CDH9: variants seen among roughly 807,000 people sequenced by gnomAD.
CDH9 encodes cadherin 9.
Under a neutral mutation model 70.9 loss-of-function variants are expected in CDH9, and 28 were observed. That is an observed-to-expected ratio of 0.40 (90% CI 0.29 to 0.54). The LOEUF is 0.54. Ranked by LOEUF, CDH9 falls within the 20% of genes least tolerant of loss-of-function variation. The probability of loss-of-function intolerance (pLI) is 0.59; values close to 1 mark genes in which losing one functional copy is unlikely to be tolerated. For missense variants in CDH9, 874 were observed against 984.4 expected (o/e 0.89, Z 1.50); for synonymous variants, 409 against 343.1 (o/e 1.19, Z -2.12).
At chr5:26,985,193 T>C (rs1457181951) in intron 2 of CDH9, among the ~76,000 whole-genome samples, 2 of 152,126 alleles carry the variant, frequency 1.3e-5, no homozygotes, top group African/African-American at 2.4e-5. Flanking sequence ...TTTCTTTTAT[T>C]GTGCTATATA....
chr5:27,030,996 C>T (rs984096084), intron 1 of CDH9, among the ~76,000 whole-genome samples: 7 of 151,628 alleles, frequency 4.6e-5, no homozygotes, highest in African/African-American at 1.7e-4. Flanking sequence ...TTCTTTTCTG[C>T]AGGCTAACAT....
intron 1 of CDH9, among the ~76,000 whole-genome samples, chr5:26,991,463 C>T (rs552322274): frequency 5.9e-5 from 9 of 152,240 alleles, no homozygotes; most frequent in Admixed American, 4.6e-4. Flanking sequence ...ATATTATCTA[C>T]GTTCTAGAGC....
In CDH9 at chr5:26,954,470, C is replaced by T. The variant is rs528518523; in HGVS notation, c.228+33636G>A. On this transcript the variant is annotated intron_variant, in intron 2 of 11. Coordinates refer to ENST00000231021, the MANE Select transcript of CDH9 (RefSeq NM_016279.4). Reference sequence around the variant, plus strand: ...CGCCATCTCGGCTCACTGCAAGCTTCGCCTCCCGGGTTCACGCCATTCGCC... The same window carrying T: ...CGCCATCTCGGCTCACTGCAAGCTTTGCCTCCCGGGTTCACGCCATTCGCC... 2.9e-3 allele frequency among the ~76,000 whole-genome samples: 397 copies of T among 138,020 alleles called. 4 individuals are homozygous for T. Among genetic ancestry groups the T allele is most frequent in the African/African-American group, 1.0e-2 (373 of 37,464 alleles). 90.5% of individuals were successfully genotyped at this position (138,020 alleles called of 152,430 possible).
intron 1 of CDH9, among the ~76,000 whole-genome samples, chr5:27,034,920 G>A (rs1743366606): frequency 6.6e-6 from 1 of 151,398 alleles, no homozygotes; most frequent in Non-Finnish European, 1.5e-5. Context: ...AAGGATAATG[G>A]TGCTTCCAGG....
At chr5:26,945,237 A>G (rs1239502358) in intron 2 of CDH9, among the ~76,000 whole-genome samples, 1 of 151,010 alleles carries the variant, frequency 6.6e-6, no homozygotes, top group African/African-American at 2.4e-5. Flanking sequence ...AACCAATTGC[A>G]TGACTAATAT....
At chr5:26,997,949 C>T (rs969992710) in intron 1 of CDH9, among the ~76,000 whole-genome samples, 5 of 152,166 alleles carry the variant, frequency 3.3e-5, no homozygotes, top group South Asian at 4.1e-4. Context: ...CTGCCCTCCT[C>T]GGCCTCCCAA....
intron 1 of CDH9, among the ~76,000 whole-genome samples, chr5:27,011,580 T>C (rs1742959798): frequency 6.6e-6 from 1 of 152,054 alleles, no homozygotes; most frequent in Non-Finnish European, 1.5e-5. Context: ...ATTTCTGCTG[T>C]TTTAAGCCAC....
At chr5:26,973,615 C>G (rs994630764) in intron 2 of CDH9, among the ~76,000 whole-genome samples, 1 of 152,040 alleles carries the variant, frequency 6.6e-6, no homozygotes, top group African/African-American at 2.4e-5. Context: ...TCGAGTAATT[C>G]CAACTAGAAG....
intron 9 of CDH9, among the ~76,000 whole-genome samples, chr5:26,886,475 C>T (rs1382932): frequency 0.33 from 50,817 of 151,746 alleles, 8,917 homozygotes; most frequent in Middle Eastern, 0.52. Context: ...CTTCAAAGGA[C>T]GAGTACACAG....
intron 1 of CDH9, among the ~76,000 whole-genome samples, chr5:27,008,020 T>C (rs551059453): frequency 6.2e-4 from 94 of 152,272 alleles, no homozygotes; most frequent in African/African-American, 2.1e-3. Context: ...ATAGACGTTA[T>C]ACATGTGGAA....
At chr5:26,882,211 G>A (rs1740480019) in intron 11 of CDH9, among the ~76,000 whole-genome samples, 1 of 151,868 alleles carries the variant, frequency 6.6e-6, no homozygotes, top group South Asian at 2.1e-4. Context: ...TTTATAGGAG[G>A]CTTAGAAAGC....
chr5:26,977,682 T>C (rs1390267859), intron 2 of CDH9, among the ~76,000 whole-genome samples: 1 of 151,832 alleles, frequency 6.6e-6, no homozygotes, highest in African/African-American at 2.4e-5. Flanking sequence ...TGGTTAACAA[T>C]TGAAAGGAGA....
chr5:27,020,796 T>C (rs1009246252), intron 1 of CDH9, among the ~76,000 whole-genome samples: 5 of 151,656 alleles, frequency 3.3e-5, no homozygotes, highest in Non-Finnish European at 7.4e-5. Flanking sequence ...AAGGTTATTC[T>C]TGGTTATTAA....
chr5:26,966,519 A>ATT (rs35917497), intron 2 of CDH9, among the ~76,000 whole-genome samples: 86 of 151,880 alleles, frequency 5.7e-4, no homozygotes, highest in Admixed American at 1.8e-3. Flanking sequence ...CTAAAGCATC[A>ATT]TTTTTTTTCC....
intron 2 of CDH9, among the ~76,000 whole-genome samples, chr5:26,956,941 T>G (rs1005843199): frequency 6.6e-6 from 1 of 151,818 alleles, no homozygotes; most frequent in Admixed American, 6.6e-5. Context: ...GGGTCATGGT[T>G]GTACTCAACA....
chr5:26,973,497 A>G (rs1196214430), intron 2 of CDH9, among the ~76,000 whole-genome samples: 1 of 152,104 alleles, frequency 6.6e-6, no homozygotes, highest in East Asian at 1.9e-4. Flanking sequence ...AGACATATTA[A>G]TAACTGATGT....
At chr5:26,901,035 A>G (rs1740846013) in intron 7 of CDH9, among the ~76,000 whole-genome samples, 1 of 152,030 alleles carries the variant, frequency 6.6e-6, no homozygotes, top group African/African-American at 2.4e-5. Flanking sequence ...ATTGCTTTGG[A>G]TATGAACACG....
chr5:27,027,659 C>T (rs1228762319), intron 1 of CDH9, among the ~76,000 whole-genome samples: 1 of 152,020 alleles, frequency 6.6e-6, no homozygotes, highest in Admixed American at 6.6e-5. Flanking sequence ...TGTCCTTACG[C>T]TGACTATCAA....
intron 3 of CDH9, among the ~76,000 whole-genome samples, chr5:26,914,591 T>C (rs1179245435): frequency 6.6e-6 from 1 of 152,058 alleles, no homozygotes; most frequent in Non-Finnish European, 1.5e-5. Flanking sequence ...TAGATGACAT[T>C]TCATTTGAGG....
Sources: gnomAD v4.1 joint callset for allele counts (sites outside exome capture counted in the v4.1 genomes callset) on GRCh38, gnomAD v4.1.1 for gene constraint, MANE v1.5 for transcripts, NCBI Gene and HGNC (gene_info 2026-07-23, HGNC 2026-07-21) for gene names.